PTPRD: variants seen among roughly 807,000 people sequenced by gnomAD.
PTPRD encodes protein tyrosine phosphatase receptor type D.
Under a neutral mutation model 214.5 loss-of-function variants are expected in PTPRD, and 34 were observed. That is an observed-to-expected ratio of 0.16 (90% CI 0.12 to 0.21). PTPRD has a LOEUF of 0.21. Among genes scored for constraint, PTPRD ranks in the 10% least tolerant of loss-of-function variants. The pLI, the probability that PTPRD is intolerant of heterozygous loss-of-function variation, is 1.00. For missense variants in PTPRD, 2,545 were observed against 2,398.7 expected (o/e 1.06, Z -1.27); for synonymous variants, 1,128 against 845.7 (o/e 1.33, Z -5.79).
chr9:9,454,392 C>G (rs1289866475), intron 8 of PTPRD, among the ~76,000 whole-genome samples: 2 of 151,732 alleles, frequency 1.3e-5, no homozygotes, highest in African/African-American at 4.8e-5. Flanking sequence ...TAGCATATCA[C>G]TGCAGTATTT....
intron 5 of PTPRD, among the ~76,000 whole-genome samples, chr9:9,905,721 A>G (rs374126319): frequency 6.6e-6 from 1 of 152,050 alleles, no homozygotes; most frequent in East Asian, 1.9e-4. Flanking sequence ...GAAGAATTCA[A>G]GACACTAAGA....
chr9:9,736,167 T>C (rs1044631263), intron 6 of PTPRD, among the ~76,000 whole-genome samples: 4 of 152,132 alleles, frequency 2.6e-5, no homozygotes, highest in African/African-American at 7.2e-5. Flanking sequence ...TCATTGAATA[T>C]ATTGTACACT....
At chr9:9,871,454 T>C (rs931581675) in intron 5 of PTPRD, among the ~76,000 whole-genome samples, 13 of 152,222 alleles carry the variant, frequency 8.5e-5, no homozygotes, top group African/African-American at 2.7e-4. Context: ...TGGTTTAGTA[T>C]ACGAAAGGAT....
intron 3 of PTPRD, among the ~76,000 whole-genome samples, chr9:10,169,473 C>CAAAAAAAAAAAAAAA (rs59335943): frequency 6.0e-5 from 4 of 66,874 alleles, no homozygotes; most frequent in African/African-American, 2.1e-4. Flanking sequence ...GACTCTGTCT[C>CAAAAAAAAAAAAAAA]AAAAAAAAAA....
intron 9 of PTPRD, among the ~76,000 whole-genome samples, chr9:9,245,367 C>G (rs4507823): frequency 0.86 from 130,626 of 152,098 alleles, 56,655 homozygotes; most frequent in Non-Finnish European, 0.92. Context: ...TTGGAACCAA[C>G]CCAAATTTCC....
chr9:9,705,841 T>C (rs1485149042), intron 7 of PTPRD, among the ~76,000 whole-genome samples: 1 of 152,144 alleles, frequency 6.6e-6, no homozygotes, highest in Non-Finnish European at 1.5e-5. Context: ...ACATTAATAT[T>C]TACTCAATCA....
intron 9 of PTPRD, among the ~76,000 whole-genome samples, chr9:9,316,909 A>G (rs1357437786): frequency 1.3e-5 from 2 of 152,098 alleles, no homozygotes; most frequent in Non-Finnish European, 2.9e-5. Flanking sequence ...GATCATCAGG[A>G]ACAAACTCTC....
At chr9:9,203,397 T>C (rs2099943028) in intron 9 of PTPRD, among the ~76,000 whole-genome samples, 1 of 152,206 alleles carries the variant, frequency 6.6e-6, no homozygotes, top group South Asian at 2.1e-4. Flanking sequence ...TTGCATGTTT[T>C]TGTTATGCTT....
At chr9:8,984,958 T>C (rs554780323) in intron 11 of PTPRD, among the ~76,000 whole-genome samples, 4 of 152,218 alleles carry the variant, frequency 2.6e-5, no homozygotes, top group South Asian at 4.1e-4. Context: ...CCCATTTTAT[T>C]TGGGCTTTGG....
At chr9:9,238,631 C>A (rs899711503) in intron 9 of PTPRD, among the ~76,000 whole-genome samples, 12 of 152,030 alleles carry the variant, frequency 7.9e-5, no homozygotes, top group African/African-American at 2.9e-4. Context: ...AATATGACTT[C>A]CATTTTAGAA....
intron 11 of PTPRD, among the ~76,000 whole-genome samples, chr9:8,795,850 ACT>A (rs1001512253): frequency 2.6e-5 from 4 of 152,164 alleles, no homozygotes; most frequent in African/African-American, 9.7e-5. Context: ...TTGTTAATAT[ACT>A]CTCATTTTGA....
intron 7 of PTPRD, among the ~76,000 whole-genome samples, chr9:9,638,185 A>G (rs1398404034): frequency 2.6e-5 from 4 of 152,098 alleles, no homozygotes; most frequent in African/African-American, 7.2e-5. Context: ...CAGGCTGAAA[A>G]TTTCCCAAAT....
intron 8 of PTPRD, among the ~76,000 whole-genome samples, chr9:9,453,012 C>G (rs1028132036): frequency 2.0e-5 from 2 of 97,830 alleles, no homozygotes; most frequent in Admixed American, 1.2e-4. Context: ...TTAACTGAAG[C>G]CTATTTTATT....
At chr9:10,557,277 C>A (rs1167301499) in intron 2 of PTPRD, among the ~76,000 whole-genome samples, 2 of 152,006 alleles carry the variant, frequency 1.3e-5, no homozygotes, top group Non-Finnish European at 2.9e-5. Context: ...AAGGATGCCC[C>A]ATCCTATGAA....
intron 3 of PTPRD, among the ~76,000 whole-genome samples, chr9:10,234,178 C>T (rs1325170245): frequency 6.6e-6 from 1 of 151,092 alleles, no homozygotes; most frequent in Non-Finnish European, 1.5e-5. Context: ...TGCTTGAACC[C>T]GGGAGGCAGA....
intron 8 of PTPRD, among the ~76,000 whole-genome samples, chr9:9,494,478 C>T (rs143158514): frequency 2.7e-4 from 41 of 152,296 alleles, no homozygotes; most frequent in African/African-American, 9.1e-4. Context: ...GATCAGTCAG[C>T]AGCCATCAAG....
intron 5 of PTPRD, among the ~76,000 whole-genome samples, chr9:9,853,623 G>A (rs9299100): frequency 0.75 from 113,974 of 151,780 alleles, 44,169 homozygotes; most frequent in East Asian, 0.94. Context: ...ATCTCAGGTC[G>A]CTGCAACCTC....
At chr9:8,710,340 T>G (rs373819888) in intron 12 of PTPRD, among the ~76,000 whole-genome samples, 1 of 152,062 alleles carries the variant, frequency 6.6e-6, no homozygotes, top group African/African-American at 2.4e-5. Flanking sequence ...AATAAGGCCA[T>G]GCAGGGTGGC....
intron 9 of PTPRD, among the ~76,000 whole-genome samples, chr9:9,212,390 A>C (rs2099949350): frequency 6.6e-6 from 1 of 152,110 alleles, no homozygotes; most frequent in South Asian, 2.1e-4. Flanking sequence ...GCTAGCTTTT[A>C]GTGTCTTCCA....
Sources: allele counts gnomAD v4.1 joint callset (sites outside exome capture counted in the v4.1 genomes callset), GRCh38; gene constraint gnomAD v4.1.1; transcripts MANE v1.5; gene names NCBI Gene and HGNC (gene_info 2026-07-23, HGNC 2026-07-21).